TRABD2A: variants seen among roughly 807,000 people sequenced by gnomAD.
TRABD2A encodes metalloprotease TIKI1.
In TRABD2A, 43 loss-of-function variants were observed where a neutral mutation model predicts 45.6. The observed-to-expected ratio is 0.94, with a 90% CI of 0.74 to 1.22. The LOEUF is 1.22. Among genes scored for constraint, TRABD2A ranks in the 50% most tolerant of loss-of-function variants. The probability of loss-of-function intolerance (pLI) is 0.00; values close to 1 mark genes in which losing one functional copy is unlikely to be tolerated. For synonymous variants in TRABD2A, 269 were observed against 265.0 expected (o/e 1.02, Z -0.15); for missense variants, 642 against 652.4 (o/e 0.98, Z 0.17).
Position 84,848,570 on chromosome 2 carries a change from G to T in TRABD2A, c.670-6563C>A, listed in dbSNP as rs114168555. 6.5e-3 allele frequency among the ~76,000 whole-genome samples: 921 copies of T among 141,394 alleles called. 13 individuals are homozygous for T. The highest frequency in any genetic ancestry group is 0.021 in the African/African-American group (832 of 40,176). The allele number at this position is 141,394 out of a possible 152,430, so 92.8% of individuals were successfully genotyped here. On this transcript the variant is annotated intron_variant, in intron 2 of 6. Transcript: ENST00000409520. ...ATATTTTATATATATTACATATATAGAGAGAGAGACAGAGAGAGAGAAAGA... is the reference window on the plus strand; with the variant it reads ...ATATTTTATATATATTACATATATATAGAGAGAGACAGAGAGAGAGAAAGA...
At chr2:84,837,225 C>T (rs1022086092) in intron 4 of TRABD2A, 7 of 152,080 alleles carry the variant, frequency 4.6e-5, no homozygotes, top group African/African-American at 1.4e-4. Context: ...AACTCCTGAC[C>T]TCAGGTGACC....
At chr2:84,853,511 A>G (rs1376577141) in intron 2 of TRABD2A, among the ~76,000 whole-genome samples, 1 of 151,906 alleles carries the variant, frequency 6.6e-6, no homozygotes, top group Non-Finnish European at 1.5e-5. Flanking sequence ...TGATTCAATT[A>G]CCTCCCACCT....
intron 1 of TRABD2A, among the ~76,000 whole-genome samples, chr2:84,878,572 A>C (rs1683106436): frequency 6.6e-6 from 1 of 151,794 alleles, no homozygotes; most frequent in Admixed American, 6.6e-5. Context: ...AAAGAACACT[A>C]AGAGTTCTGT....
At chr2:84,832,525 C>T in intron 4 of TRABD2A, 1 of 198,714 alleles carries the variant, frequency 5.0e-6, no homozygotes, top group South Asian at 9.9e-5. Context: ...TCAAGCTGAG[C>T]ACAGTGGCTC....
In TRABD2A at chr2:84,830,616, G is replaced by T. The variant is rs1681299197; in HGVS notation, c.1082+1439C>A. On this transcript the variant is annotated intron_variant, in intron 5 of 6. Transcript: ENST00000409520. The surrounding 1 kb of genome is among the most constrained non-coding windows in gnomAD (Gnocchi z 4.9). Reference sequence around the variant, plus strand: ...CTTTAGTGGAGGAAGCCAAAAGCCTGGTGGAGAAGGAAAATGAGCAGTCTC... The same window carrying T: ...CTTTAGTGGAGGAAGCCAAAAGCCTTGTGGAGAAGGAAAATGAGCAGTCTC... Among the ~76,000 whole-genome samples, 2 of 152,214 alleles carry T rather than the reference G, an allele frequency of 1.3e-5. No homozygotes were observed. Among genetic ancestry groups the T allele is most frequent in the South Asian group, 4.1e-4 (2 of 4,832 alleles).
intron 3 of TRABD2A, among the ~76,000 whole-genome samples, chr2:84,841,470 A>G (rs952496542): frequency 2.0e-5 from 3 of 152,198 alleles, no homozygotes; most frequent in Non-Finnish European, 4.4e-5. Context: ...TCATGTTCAC[A>G]TGTTCCTAGA....
chr2:84,862,594 G>A (rs1454675262), intron 2 of TRABD2A, among the ~76,000 whole-genome samples: 1 of 152,078 alleles, frequency 6.6e-6, no homozygotes, highest in African/African-American at 2.4e-5. Context: ...TACAAAAATA[G>A]GTACAAAAAT....
In TRABD2A at chr2:84,839,150, A is replaced by C; in HGVS notation, c.990T>G (p.Ala330=). The C allele has an allele frequency of 6.2e-7, 1 of 1,613,904 alleles. No individual in the cohort carries two copies. Among genetic ancestry groups the C allele is most frequent in the Non-Finnish European group, 8.5e-7 (1 of 1,179,860 alleles). The change falls in exon 4 of 7, where the codon GCT becomes GCG. Residue 330 remains alanine (A), a splice_region_variant and synonymous_variant. Coordinates refer to ENST00000409520, the MANE Select transcript of TRABD2A (RefSeq NM_001277053.2). ...AATCAGAGGTGACCCACTACTCACC[A>C]GCTCCAAAGGCAAAGAAGAAGCCTT... ...PDKGFFFAFG[A]GHFMGNNTVL... is the part of the protein sequence containing the mutation.
rs149462647 is a variant in TRABD2A at position 84,858,367 on chromosome 2, C to T, written c.669+11858G>A. The stretch of plus-strand genomic sequence containing the variant: ...GCACAAATTTTCCCAGATTTGCCTG[C>T]GCTTTTGGCCCATTCAGAATAGCTG... On this transcript the variant is annotated intron_variant, in intron 2 of 6. Coordinates refer to ENST00000409520, the MANE Select transcript of TRABD2A (RefSeq NM_001277053.2). Among the ~76,000 whole-genome samples the T allele has an allele frequency of 5.2e-3, 785 of 152,284 alleles. 6 individuals carry two copies. Among genetic ancestry groups the T allele is most frequent in the African/African-American group, 0.017 (714 of 41,536 alleles).
intron 1 of TRABD2A, among the ~76,000 whole-genome samples, chr2:84,874,320 G>A (rs1015705462): frequency 6.6e-6 from 1 of 152,148 alleles, no homozygotes; most frequent in Non-Finnish European, 1.5e-5. Context: ...TGGCAGTACC[G>A]ATGCTAACAG....
At chr2:84,838,957 A>G in intron 4 of TRABD2A, 192 bp downstream of exon 4, 2 of 593,206 alleles carry the variant, frequency 3.4e-6, no homozygotes, top group East Asian at 5.6e-5. Context: ...TCATCCAGCA[A>G]CATTTCAACC....
chr2:84,828,580 ATCCTCCCTCAT>A (rs1681215300), intron 5 of TRABD2A, among the ~76,000 whole-genome samples: 1 of 152,066 alleles, frequency 6.6e-6, no homozygotes, highest in Non-Finnish European at 1.5e-5. Flanking sequence ...TGGAGACCTC[ATCCTCCCTCAT>A]GGCTTCACCT....
At chr2:84,869,009 G>A (rs1488542955) in intron 2 of TRABD2A, among the ~76,000 whole-genome samples, 1 of 152,096 alleles carries the variant, frequency 6.6e-6, no homozygotes, top group Non-Finnish European at 1.5e-5. Flanking sequence ...ATAAATCTTA[G>A]TGTGCCAAAC....
intron 2 of TRABD2A, among the ~76,000 whole-genome samples, chr2:84,865,877 G>A (rs11886651): frequency 0.23 from 35,170 of 152,138 alleles, 4,132 homozygotes; most frequent in African/African-American, 0.26. Flanking sequence ...AGCCCACTCC[G>A]CTGAGCCTCC....
chr2:84,827,614 C>G (rs76836656), intron 5 of TRABD2A, among the ~76,000 whole-genome samples: 51 of 152,110 alleles, frequency 3.4e-4, no homozygotes, highest in African/African-American at 1.2e-3. Flanking sequence ...ATGACCTAGC[C>G]CCTGGAAGCT....
intron 2 of TRABD2A, among the ~76,000 whole-genome samples, chr2:84,842,888 C>G (rs1681759141): frequency 6.6e-6 from 1 of 151,964 alleles, no homozygotes; most frequent in South Asian, 2.1e-4. Flanking sequence ...CAAGAGAAAG[C>G]TTTGTTGAAA....
At chr2:84,834,615 G>C (rs972637296) in intron 4 of TRABD2A, 4 of 152,258 alleles carry the variant, frequency 2.6e-5, no homozygotes, top group African/African-American at 9.7e-5. Context: ...AGATTTGCCT[G>C]TTCTGGACAT....
Position 84,870,705 on chromosome 2 carries a change from G to A in TRABD2A, c.189C>T (p.Tyr63=), listed in dbSNP as rs1453546523. Reference sequence around the variant, plus strand: ...CGGGGATGAAGTCCCAAACTCGGGTGTACGGGACATGGATTGTGCCAAAGA... The same window carrying A: ...CGGGGATGAAGTCCCAAACTCGGGTATACGGGACATGGATTGTGCCAAAGA... ...SYFFGTIHVP[Y]TRVWDFIPDN... is the part of the protein sequence containing the mutation. Residue 63 remains tyrosine, a synonymous_variant, in exon 2 of 7, where the codon TAC becomes TAT. Transcript: ENST00000409520. 1.2e-6 allele frequency: 2 copies of A among 1,604,478 alleles called. No individual in the cohort carries two copies. Among genetic ancestry groups the A allele is most frequent in the Admixed American group, 1.7e-5 (1 of 58,394 alleles).
intron 2 of TRABD2A, among the ~76,000 whole-genome samples, chr2:84,866,995 G>T (rs1396444104): frequency 2.0e-5 from 3 of 152,054 alleles, no homozygotes; most frequent in African/African-American, 4.8e-5. Context: ...TTCAACCTGG[G>T]AGGCAGAGGC....
Sources: gnomAD v4.1 joint callset for allele counts (sites outside exome capture counted in the v4.1 genomes callset) on GRCh38, gnomAD v4.1.1 for gene constraint, Gnocchi (gnomAD v3.1) non-coding constraint, MANE v1.5 for transcripts, NCBI Gene and HGNC (gene_info 2026-07-23, HGNC 2026-07-21) for gene names.